HLA-DPB1: variants seen among roughly 807,000 people sequenced by gnomAD.
HLA-DPB1 encodes the protein HLA class II histocompatibility antigen, DP beta 1 chain.
A neutral mutation model predicts 29.4 loss-of-function variants in HLA-DPB1; 30 were observed. The observed-to-expected ratio is 1.02, with a 90% confidence interval of 0.76 to 1.38. The LOEUF is 1.38. HLA-DPB1 is among the 40% of genes most tolerant of loss of function. The pLI is 0.00. For missense variants in HLA-DPB1, 261 were observed against 327.5 expected (o/e 0.80, Z 1.57); for synonymous variants, 114 against 134.0 (o/e 0.85, Z 1.03).
chr6:33,081,065 T>G (rs1247408634), intron 2 of HLA-DPB1, 130 bp downstream of exon 2: 2 of 1,080,088 alleles, frequency 1.9e-6, no homozygotes, highest in Non-Finnish European at 2.6e-6. Context: ...TGGGGATTCA[T>G]GGGGGGAGCC....
chr6:33,076,733 C>T (rs528697582), intron 1 of HLA-DPB1, among the ~76,000 whole-genome samples: 2 of 152,168 alleles, frequency 1.3e-5, no homozygotes, highest in Non-Finnish European at 2.9e-5. Context: ...GAGTGGGTTG[C>T]GACTTGTAGG....
chr6:33,080,775 C>A lies in HLA-DPB1; in HGVS notation c.204C>A (p.Asp68Glu). Reference protein sequence around the residue: ...IYNREEFARFDSDVGEFRAVT... With the variant: ...IYNREEFARFESDVGEFRAVT... ...ACCGGGAGGAGTTCGCGCGCTTCGACAGCGACGTGGGGGAGTTCCGGGCGG... is the reference window on the plus strand; with the variant it reads ...ACCGGGAGGAGTTCGCGCGCTTCGAAAGCGACGTGGGGGAGTTCCGGGCGG... The change falls in exon 2 of 6, where the codon GAC becomes GAA. Residue 68 changes from aspartate to glutamate, a missense_variant. Physicochemically the swap from Asp to Glu is conservative, Grantham distance 45. Transcript: ENST00000418931. This position sits in a 1 kb window ranked among gnomAD's most constrained non-coding sequence, Gnocchi z 4.3. The A allele has an allele frequency of 6.2e-7, 1 of 1,613,588 alleles. No homozygotes were observed. Among genetic ancestry groups the A allele is most frequent in the Non-Finnish European group, 8.5e-7 (1 of 1,179,834 alleles).
intron 2 of HLA-DPB1, among the ~76,000 whole-genome samples, chr6:33,082,431 T>C (rs1020303959): frequency 6.6e-6 from 1 of 151,720 alleles, no homozygotes; most frequent in Non-Finnish European, 1.5e-5. Context: ...GCCCCCAGAC[T>C]CAGATTCCCT....
chr6:33,079,132 T>G (rs1762707259), intron 1 of HLA-DPB1, among the ~76,000 whole-genome samples: 1 of 152,244 alleles, frequency 6.6e-6, no homozygotes, highest in Non-Finnish European at 1.5e-5. Context: ...GCTGTGCAAC[T>G]TCTGCTAGGG....
intron 1 of HLA-DPB1, among the ~76,000 whole-genome samples, chr6:33,077,368 G>T (rs546810021): frequency 6.6e-6 from 1 of 151,918 alleles, no homozygotes; most frequent in Admixed American, 6.6e-5. Flanking sequence ...GAATAGTGCC[G>T]CAATAAACAT....
chr6:33,076,576 G>A (rs138214893), intron 1 of HLA-DPB1, among the ~76,000 whole-genome samples: 1 of 152,300 alleles, frequency 6.6e-6, no homozygotes, highest in Non-Finnish European at 1.5e-5. Flanking sequence ...CACGAAGAAT[G>A]CCTCTTATTC....
chr6:33,078,748 T>TA (rs1476927891), intron 1 of HLA-DPB1, among the ~76,000 whole-genome samples: 2 of 152,138 alleles, frequency 1.3e-5, no homozygotes, highest in Non-Finnish European at 2.9e-5. Flanking sequence ...CTGGGTAAAT[T>TA]AAAAAAATTA....
In HLA-DPB1 at chr6:33,084,983, A is replaced by T. The variant is rs758087295; in HGVS notation, c.398A>T (p.Lys133Met). The T allele has an allele frequency of 6.2e-7, 1 of 1,600,862 alleles. No homozygotes were observed. Among genetic ancestry groups the T allele is most frequent in the Non-Finnish European group, 8.6e-7 (1 of 1,169,546 alleles). The change falls in exon 3 of 6, where the codon AAG becomes ATG. Residue 133 changes from lysine to methionine, a missense_variant. Coordinates refer to ENST00000418931, the MANE Select transcript of HLA-DPB1 (RefSeq NM_002121.6). ...AGGGTGAATGTTTCCCCCTCCAAGA[A>T]GGGGCCCTTGCAGCACCACAACCTG... ...QPRVNVSPSK[K>M]GPLQHHNLLV...
At position 33,080,864 on chromosome 6, in the gene HLA-DPB1, A is replaced by G. The variant is rs12722027; in HGVS notation, c.293A>G (p.Lys98Arg). 0.028 allele frequency: 44,445 copies of G among 1,606,292 alleles called. 717 individuals carry two copies. Among genetic ancestry groups the G allele is most frequent in the African/African-American group, 0.037 (2,749 of 74,898 alleles). The change falls in exon 2 of 6, where the codon AAG becomes AGG. Residue 98 changes from lysine to arginine, a missense_variant. Lys to Arg is a conservative substitution (Grantham distance 26). Transcript: ENST00000418931. The surrounding 1 kb of genome is among the most constrained non-coding windows in gnomAD (Gnocchi z 4.3). ...WNSQKDILEEKRAVPDRMCRH... is the reference protein window; with the variant it reads ...WNSQKDILEERRAVPDRMCRH... ...AGCCAGAAGGACATCCTGGAGGAGA[A>G]GCGGGCAGTGCCGGACAGGATGTGC...
chr6:33,085,507 C>A (rs1323387474), intron 3 of HLA-DPB1, among the ~76,000 whole-genome samples: 3 of 152,198 alleles, frequency 2.0e-5, no homozygotes, highest in African/African-American at 7.2e-5. Context: ...GAACTGACCT[C>A]ACACATAGGA....
chr6:33,077,941 A>C (rs1762630652), intron 1 of HLA-DPB1, among the ~76,000 whole-genome samples: 1 of 152,184 alleles, frequency 6.6e-6, no homozygotes, highest in African/African-American at 2.4e-5. Flanking sequence ...AAGGGTGCTG[A>C]GAACTAACCA....
At chr6:33,077,531 C>A (rs1366956237) in intron 1 of HLA-DPB1, among the ~76,000 whole-genome samples, 1 of 152,018 alleles carries the variant, frequency 6.6e-6, no homozygotes, top group Non-Finnish European at 1.5e-5. Context: ...GTTAAAATGG[C>A]GATCATTAAA....
chr6:33,085,714 A>G, intron 3 of HLA-DPB1, 65 bp from the exon 4 acceptor site: 1 of 1,078,442 alleles, frequency 9.3e-7, no homozygotes, highest in Non-Finnish European at 1.4e-6. Flanking sequence ...CCAGAATCTC[A>G]GACAGGACAT....
In HLA-DPB1 at chr6:33,080,977, C is replaced by T. The variant is rs2856825; in HGVS notation, c.364+42C>T. ...GGCCGGCGGTCCCAGGGCAGCCCCG[C>T]GGGCCCGTGCCCAGGGCGCAGGAGC... is the stretch of plus-strand genomic sequence containing the variant. On this transcript the variant is annotated intron_variant, in intron 2 of 5. Transcript: ENST00000418931. The surrounding 1 kb of genome is among the most constrained non-coding windows in gnomAD (Gnocchi z 4.3). 0.01 allele frequency: 15,511 copies of T among 1,524,470 alleles called. 200 individuals carry two copies. Among genetic ancestry groups the T allele is most frequent in the African/African-American group, 0.064 (4,651 of 73,008 alleles). The allele number at this position is 1,524,470 out of a possible 1,614,324, so 94.4% of individuals were successfully genotyped here.
chr6:33,080,975 C>G lies in HLA-DPB1; in HGVS notation c.364+40C>G. 6.5e-7 allele frequency: 1 copy of G among 1,530,352 alleles called. No homozygotes were observed. Among genetic ancestry groups the G allele is most frequent in the Non-Finnish European group, 8.7e-7 (1 of 1,143,482 alleles). 94.8% of individuals were successfully genotyped at this position (1,530,352 alleles called of 1,614,324 possible). On this transcript the variant is annotated intron_variant, in intron 2 of 5. Transcript: ENST00000418931. This position sits in a 1 kb window ranked among gnomAD's most constrained non-coding sequence, Gnocchi z 4.3. ...TGGGCCGGCGGTCCCAGGGCAGCCCCGCGGGCCCGTGCCCAGGGCGCAGGA... is the reference window on the plus strand; with the variant it reads ...TGGGCCGGCGGTCCCAGGGCAGCCCGGCGGGCCCGTGCCCAGGGCGCAGGA...
Position 33,080,418 on chromosome 6 carries a change from C to A in HLA-DPB1, c.101-254C>A, listed in dbSNP as rs17214671. 8,244 of 685,330 alleles carry A rather than the reference C, an allele frequency of 0.012. 148 individuals carry two copies. Among genetic ancestry groups the A allele is most frequent in the African/African-American group, 0.065 (3,678 of 56,526 alleles). The allele number at this position is 685,330 out of a possible 1,614,324, so 42.5% of individuals were successfully genotyped here. ...GACTGCCTTCCCCTCAGTGCTCGCC[C>A]CTCCCTAGTGATCACTCAGTGCCCC... On this transcript the variant is annotated intron_variant, in intron 1 of 5. Coordinates refer to ENST00000418931, the MANE Select transcript of HLA-DPB1 (RefSeq NM_002121.6). This position sits in a 1 kb window ranked among gnomAD's most constrained non-coding sequence, Gnocchi z 4.3.
At chr6:33,076,818 C>G in intron 1 of HLA-DPB1, among the ~76,000 whole-genome samples, 1 of 152,088 alleles carries the variant, frequency 6.6e-6, no homozygotes, top group East Asian at 1.9e-4. Context: ...GAAGCAGTAA[C>G]CAAGTGAAAA....
intron 4 of HLA-DPB1, 53 bp from the exon 5 acceptor site, chr6:33,086,164 ATT>A (rs1479876761): frequency 7.0e-7 from 1 of 1,419,634 alleles, no homozygotes; most frequent in Non-Finnish European, 9.9e-7. Context: ...TGTTTCTCTA[ATT>A]ATCTGAGGTG....
chr6:33,080,504 C>T lies in HLA-DPB1; in HGVS notation c.101-168C>T, dbSNP rs1267198693. The T allele has an allele frequency of 1.1e-6, 1 of 941,368 alleles. No individual in the cohort carries two copies. Among genetic ancestry groups the T allele is most frequent in the South Asian group, 1.4e-5 (1 of 71,184 alleles). The allele number at this position is 941,368 out of a possible 1,614,324, so 58.3% of individuals were successfully genotyped here. On this transcript the variant is annotated intron_variant, in intron 1 of 5. Coordinates refer to ENST00000418931, the MANE Select transcript of HLA-DPB1 (RefSeq NM_002121.6). This position sits in a 1 kb window ranked among gnomAD's most constrained non-coding sequence, Gnocchi z 4.3. ...TGGTGAGAAAACAGGCCTGGAGAGG[C>T]TCTGCGACCCGCTTAGGACCACAGA...
Sources: gnomAD v4.1 joint callset for allele counts (sites outside exome capture counted in the v4.1 genomes callset) on GRCh38, gnomAD v4.1.1 for gene constraint, Gnocchi (gnomAD v3.1) non-coding constraint, MANE v1.5 for transcripts, NCBI Gene and HGNC (gene_info 2026-07-23, HGNC 2026-07-21) for gene names.